The following HAPLN1 variants were observed in gnomAD, a reference collection of about 807,000 sequenced individuals.
HAPLN1 encodes hyaluronan and proteoglycan link protein 1, also known as Cartilage link protein.
In HAPLN1, 13 loss-of-function variants were observed where a neutral mutation model predicts 36.5. The observed-to-expected ratio is 0.36, with a 90% CI of 0.23 to 0.57. The LOEUF (loss-of-function observed/expected upper bound fraction) is 0.57. Among genes scored for constraint, HAPLN1 ranks in the 20% least tolerant of loss-of-function variants. The pLI, the probability that HAPLN1 is intolerant of heterozygous loss-of-function variation, is 0.83. For missense variants in HAPLN1, 407 were observed against 439.7 expected, an observed-to-expected ratio of 0.93 and a Z score of 0.66; for synonymous variants, 202 against 169.8, an observed-to-expected ratio of 1.19 and a Z score of -1.48.
chr5:83,663,286 A>G (rs940769398), intron 2 of HAPLN1, among the ~76,000 whole-genome samples: 1 of 152,238 alleles, frequency 6.6e-6, no homozygotes, highest in African/African-American at 2.4e-5. Context: ...CTTATGTCCA[A>G]ATGCTTGCAA....
At chr5:83,701,512 T>C (rs1751505248) in intron 1 of HAPLN1, among the ~76,000 whole-genome samples, 2 of 152,220 alleles carry the variant, frequency 1.3e-5, no homozygotes, top group African/African-American at 4.8e-5. Flanking sequence ...GGTCCTTTGA[T>C]CTCTACAGTT....
At chr5:83,690,397 A>G (rs1330212328) in intron 1 of HAPLN1, among the ~76,000 whole-genome samples, 1 of 152,062 alleles carries the variant, frequency 6.6e-6, no homozygotes, top group Non-Finnish European at 1.5e-5. Flanking sequence ...AGATTGTTGA[A>G]AGTGTAAGAT....
chr5:83,712,914 T>G (rs1580167881), intron 1 of HAPLN1, among the ~76,000 whole-genome samples: 3 of 147,670 alleles, frequency 2.0e-5, no homozygotes, highest in Middle Eastern at 7.2e-3. Flanking sequence ...TGCTGAGAAG[T>G]CCAGAGAAAT....
rs146512515 is a variant in HAPLN1 at position 83,641,720 on chromosome 5, T to C, written c.841A>G (p.Asn281Asp). ...TYDEAVQACL[N>D]DGAQIAKVGQ... ...ACTTTTGCAATCTGAGCACCATCAT[T>C]GAGACAAGCTTGCACCGCTTCATCA... is the stretch of plus-strand genomic sequence containing the variant. Residue 281 changes from asparagine to aspartate, a missense_variant, in exon 5 of 5, where the codon AAT becomes GAT. By Grantham distance (23) the Asn-to-Asp change is conservative. Transcript: ENST00000274341. 1,578 of 1,614,140 alleles carry C rather than the reference T, an allele frequency of 9.8e-4. 12 individuals carry two copies. Among genetic ancestry groups the C allele is most frequent in the Non-Finnish European group, 3.6e-4 (430 of 1,180,026 alleles).
chr5:83,682,771 T>C lies in HAPLN1; in HGVS notation c.-26-9222A>G, dbSNP rs533154624. Among the ~76,000 whole-genome samples, 5 of 152,322 alleles carry C rather than the reference T, an allele frequency of 3.3e-5. No homozygotes were observed. In the East Asian group the frequency reaches 9.6e-4, roughly 29 times the overall value. ...AATATTGACCTCTAAGCTCATTAAA[T>C]TGAGTTTCCAAATTGGTTTTGTGAT... On this transcript the variant is annotated intron_variant, in intron 1 of 4. Transcript: ENST00000274341.
rs1749688354 is a variant in HAPLN1 at position 83,641,391 on chromosome 5, AG to A, written c.*104del. 2 of 1,006,200 alleles carry A rather than the reference AG, an allele frequency of 2.0e-6. No individual in the cohort carries two copies. The highest frequency in any genetic ancestry group is 3.2e-5 in the African/African-American group (2 of 61,880). The allele number at this position is 1,006,200 out of a possible 1,614,324, so 62.3% of individuals were successfully genotyped here. ...AATGACTCTTTACAGTAAGTAAAAA[AG>A]GGTTATCACAGTTTTGGTAACTTGC... On this transcript the variant is annotated 3_prime_UTR_variant, in exon 5 of 5. Transcript: ENST00000274341.
At chr5:83,669,251 C>G (rs1327163554) in intron 2 of HAPLN1, among the ~76,000 whole-genome samples, 1 of 152,118 alleles carries the variant, frequency 6.6e-6, no homozygotes, top group African/African-American at 2.4e-5. Context: ...ACCTGTAATT[C>G]TAACACTTTG....
At chr5:83,645,471 C>CTTTTTTTTTTTTTT (rs1423821503) in intron 3 of HAPLN1, among the ~76,000 whole-genome samples, 29 of 20,264 alleles carry the variant, frequency 1.4e-3, no homozygotes, top group African/African-American at 2.3e-3. Flanking sequence ...TTTTCTTTTT[C>CTTTTTTTTTTTTTT]TTTCTTTTTT....
At chr5:83,654,531 C>T (rs1282065566) in intron 2 of HAPLN1, among the ~76,000 whole-genome samples, 2 of 152,178 alleles carry the variant, frequency 1.3e-5, no homozygotes, top group East Asian at 3.9e-4. Flanking sequence ...GGAAAAAGTG[C>T]TGTTGACTAA....
intron 2 of HAPLN1, among the ~76,000 whole-genome samples, chr5:83,659,093 G>A (rs1750307734): frequency 6.6e-6 from 1 of 152,048 alleles, no homozygotes; most frequent in Non-Finnish European, 1.5e-5. Flanking sequence ...GGCCAACATG[G>A]TGAAACCCCG....
At chr5:83,685,814 T>C (rs1751105367) in intron 1 of HAPLN1, 1 of 152,170 alleles carries the variant, frequency 6.6e-6, no homozygotes. Context: ...AGTTGATTGG[T>C]GTGACCTTTT....
chr5:83,698,001 T>A (rs1751430874), intron 1 of HAPLN1, among the ~76,000 whole-genome samples: 1 of 152,180 alleles, frequency 6.6e-6, no homozygotes, highest in South Asian at 2.1e-4. Context: ...TTCTTGATAT[T>A]GTCCTTTGAA....
chr5:83,686,142 C>CAAAAAA lies in HAPLN1; in HGVS notation c.-26-12599_-26-12594dup, dbSNP rs535353958. On this transcript the variant is annotated intron_variant, in intron 1 of 4. Coordinates refer to ENST00000274341, the MANE Select transcript of HAPLN1 (RefSeq NM_001884.4). Reference sequence around the variant, plus strand: ...AACAATTAGAGATATAAAATGTAGCCAAAAAAAAAAAAAAAAAAAAAAGAA... The same window carrying CAAAAAA: ...AACAATTAGAGATATAAAATGTAGCCAAAAAAAAAAAAAAAAAAAAAAAAAAAAGAA... 506 of 81,418 alleles carry CAAAAAA rather than the reference C, an allele frequency of 6.2e-3. 1 individual carries two copies. The highest frequency in any genetic ancestry group is 0.02 in the East Asian group (49 of 2,410). 5.0% of individuals were successfully genotyped at this position (81,418 alleles called of 1,614,324 possible). A position where few individuals can be genotyped will look rare whatever the true frequency, so the allele number is the denominator to read the frequency against.
chr5:83,660,892 A>G (rs951144892), intron 2 of HAPLN1, among the ~76,000 whole-genome samples: 73 of 152,192 alleles, frequency 4.8e-4, no homozygotes, highest in African/African-American at 1.7e-3. Context: ...TTGAAAACTT[A>G]GCTTGGTGCC....
chr5:83,643,012 C>T (rs1263451964), intron 4 of HAPLN1, among the ~76,000 whole-genome samples: 2 of 152,038 alleles, frequency 1.3e-5, no homozygotes, highest in African/African-American at 4.8e-5. Context: ...AAAATATTTA[C>T]TATATGGCCC....
chr5:83,706,448 T>A (rs1580163491), intron 1 of HAPLN1, among the ~76,000 whole-genome samples: 1 of 152,182 alleles, frequency 6.6e-6, no homozygotes, highest in Admixed American at 6.5e-5. Flanking sequence ...ATAAATGTGA[T>A]TCATCACATA....
intron 1 of HAPLN1, among the ~76,000 whole-genome samples, chr5:83,707,218 AACTAGAAAAC>A (rs1266763623): frequency 6.6e-6 from 1 of 152,212 alleles, no homozygotes; most frequent in Admixed American, 6.6e-5. Context: ...GTCTTCACAG[AACTAGAAAAC>A]ACTATTTTAA....
Position 83,639,517 on chromosome 5 carries a change from A to G in HAPLN1, c.*1979T>C, listed in dbSNP as rs1020902116. On this transcript the variant is annotated 3_prime_UTR_variant, in exon 5 of 5. Coordinates refer to ENST00000274341, the MANE Select transcript of HAPLN1 (RefSeq NM_001884.4). Reference sequence around the variant, plus strand: ...TTTCAACAAAATTATCGGAACATACATAATAATAGTTCAAGTATGGACTTC... The same window carrying G: ...TTTCAACAAAATTATCGGAACATACGTAATAATAGTTCAAGTATGGACTTC... 1.3e-5 allele frequency: 2 copies of G among 152,126 alleles called. No individual in the cohort carries two copies. Among genetic ancestry groups the G allele is most frequent in the Non-Finnish European group, 2.9e-5 (2 of 67,942 alleles). 9.4% of individuals were successfully genotyped at this position (152,126 alleles called of 1,614,324 possible). A position where few individuals can be genotyped will look rare whatever the true frequency, so the allele number is the denominator to read the frequency against.
At chr5:83,658,258 A>T (rs1002310095) in intron 2 of HAPLN1, among the ~76,000 whole-genome samples, 4 of 152,214 alleles carry the variant, frequency 2.6e-5, no homozygotes, top group African/African-American at 9.7e-5. Flanking sequence ...GAGAATGAGC[A>T]GCCAGGATGG....
Sources: gnomAD v4.1 joint callset for allele counts (sites outside exome capture counted in the v4.1 genomes callset) on GRCh38, gnomAD v4.1.1 for gene constraint, MANE v1.5 for transcripts, NCBI Gene and HGNC (gene_info 2026-07-23, HGNC 2026-07-21) for gene names.